Variants in SYPL1 observed in about 807,000 individuals in gnomAD.
The protein encoded by SYPL1 is synaptophysin like 1, also known as synaptophysin-like protein 1.
Under a neutral mutation model 23.7 loss-of-function variants are expected in SYPL1, and 6 were observed. The ratio of observed to expected loss-of-function variants is 0.25; its 90% CI spans 0.14 to 0.50. SYPL1 has a LOEUF of 0.50. SYPL1 is among the 20% of genes least tolerant of loss of function. The pLI, the probability that SYPL1 is intolerant of heterozygous loss-of-function variation, is 0.98. For missense variants in SYPL1, 253 were observed against 288.9 expected, an observed-to-expected ratio of 0.88 and a Z score of 0.90; for synonymous variants, 102 against 104.5, an observed-to-expected ratio of 0.98 and a Z score of 0.15.
Position 106,112,278 on chromosome 7 carries a change from GC to G in SYPL1, c.-71del. 1 of 1,418,932 alleles carries G rather than the reference GC, an allele frequency of 7.0e-7. No homozygotes were observed. Among genetic ancestry groups the G allele is most frequent in the South Asian group, 1.6e-5 (1 of 63,682 alleles). 87.9% of individuals were successfully genotyped at this position (1,418,932 alleles called of 1,614,324 possible). A position where few individuals can be genotyped will look rare whatever the true frequency, so the allele number is the denominator to read the frequency against. On this transcript the variant is annotated 5_prime_UTR_variant, in exon 1 of 5. Transcript: ENST00000455385. Reference sequence around the variant, plus strand: ...GGAGGGGACCGACGAGACCAGAGCAGCCCGGTGGCGAGGAAGGGCAGGCGGG... The same window carrying G: ...GGAGGGGACCGACGAGACCAGAGCAGCCGGTGGCGAGGAAGGGCAGGCGGG...
At chr7:106,098,371 C>G (rs1371410661) in intron 2 of SYPL1, among the ~76,000 whole-genome samples, 1 of 152,118 alleles carries the variant, frequency 6.6e-6, no homozygotes, top group Non-Finnish European at 1.5e-5. Context: ...ACTAAAGATG[C>G]TGTAACAGTC....
At position 106,100,645 on chromosome 7, in the gene SYPL1, C is replaced by T. The variant is rs1840264365; in HGVS notation, c.70-1363G>A. Among the ~76,000 whole-genome samples the T allele has an allele frequency of 1.3e-5, 2 of 152,098 alleles. No individual in the cohort carries two copies. Among genetic ancestry groups the T allele is most frequent in the Admixed American group, 6.5e-5 (1 of 15,270 alleles). On this transcript the variant is annotated intron_variant, in intron 1 of 4. Coordinates refer to ENST00000455385, the MANE Select transcript of SYPL1 (RefSeq NM_182715.4). This position sits in a 1 kb window ranked among gnomAD's most constrained non-coding sequence, Gnocchi z 5.1. ...TTTCAAAATACATTTGCAATCTGAC[C>T]ACTTGTACTGCCTCCTGATCTGAAC...
At chr7:106,092,635 T>TGCACTCCAGTCTGAGCGACATAGCG in intron 4 of SYPL1, 1 of 374,736 alleles carries the variant, frequency 2.7e-6, no homozygotes, top group Non-Finnish European at 5.0e-6. Flanking sequence ...ATCATGCCAC[T>TGCACTCCAGTCTGAGCGACATAGCG]GCACTCCAGT....
intron 1 of SYPL1, among the ~76,000 whole-genome samples, chr7:106,103,985 A>C (rs577707191): frequency 1.2e-4 from 19 of 152,360 alleles, no homozygotes; most frequent in African/African-American, 4.3e-4. Context: ...AGATAGATTT[A>C]TCTGCAGTCT....
intron 2 of SYPL1, among the ~76,000 whole-genome samples, chr7:106,098,596 C>A (rs1840149421): frequency 6.6e-6 from 1 of 152,260 alleles, no homozygotes; most frequent in African/African-American, 2.4e-5. Flanking sequence ...CTGGCTTAAA[C>A]ACAGGACATA....
At chr7:106,112,388 C>T (rs992109832), upstream of SYPL1, 5 of 1,307,886 alleles carry the variant, frequency 3.8e-6, no homozygotes, top group Middle Eastern at 2.8e-4. Flanking sequence ...GAGCTGCTGG[C>T]TGAGACTCTG....
In SYPL1 at chr7:106,093,149, A is replaced by G; in HGVS notation, c.403-12T>C. 1.3e-6 allele frequency: 2 copies of G among 1,581,794 alleles called. No individual in the cohort carries two copies. Among genetic ancestry groups the G allele is most frequent in the Non-Finnish European group, 1.7e-6 (2 of 1,166,718 alleles). ...GTAACAACAAAGTCCTAAAGCAAAA[A>G]TCAGTAAGAGTTAATAATGAACAGT... On this transcript the variant is annotated splice_polypyrimidine_tract_variant and intron_variant, in intron 3 of 4. Transcript: ENST00000455385.
At chr7:106,106,744 C>G (rs1411329441) in intron 1 of SYPL1, among the ~76,000 whole-genome samples, 1 of 151,442 alleles carries the variant, frequency 6.6e-6, no homozygotes, top group Non-Finnish European at 1.5e-5. Flanking sequence ...ACCCAGTAGA[C>G]TGAAGTGAGA....
intron 2 of SYPL1, among the ~76,000 whole-genome samples, chr7:106,098,724 T>C (rs191398681): frequency 5.2e-4 from 79 of 152,356 alleles, no homozygotes; most frequent in Admixed American, 3.2e-3. Context: ...TCTCTTTATA[T>C]ACATATGTCT....
chr7:106,107,349 T>C (rs1585943636), intron 1 of SYPL1, among the ~76,000 whole-genome samples: 1 of 152,358 alleles, frequency 6.6e-6, no homozygotes, highest in East Asian at 1.9e-4. Flanking sequence ...TAAAGTCAGT[T>C]ACAAAGTGCT....
At chr7:106,102,835 AG>A (rs1382457117) in intron 1 of SYPL1, among the ~76,000 whole-genome samples, 1 of 152,248 alleles carries the variant, frequency 6.6e-6, no homozygotes, top group African/African-American at 2.4e-5. Flanking sequence ...TAAATGGTCC[AG>A]ATGAGCTGCA....
Position 106,092,854 on chromosome 7 carries a change from C to T in SYPL1, c.591+95G>A. ...CAGGTAGCTGAGTAAAAATAAAAAC[C>T]ATCCAGAGATTTACTGAAAGCTATT... On this transcript the variant is annotated intron_variant, in intron 4 of 4. Coordinates refer to ENST00000455385, the MANE Select transcript of SYPL1 (RefSeq NM_182715.4). The T allele has an allele frequency of 2.8e-6, 3 of 1,087,008 alleles. No individual in the cohort carries two copies. In the East Asian group the frequency reaches 8.3e-5, roughly 30 times the overall value. The allele number at this position is 1,087,008 out of a possible 1,614,324, so 67.3% of individuals were successfully genotyped here. A position where few individuals can be genotyped will look rare whatever the true frequency, so the allele number is the denominator to read the frequency against.
Position 106,100,667 on chromosome 7 carries a change from G to A in SYPL1, c.70-1385C>T, listed in dbSNP as rs984255341. 2.0e-5 allele frequency among the ~76,000 whole-genome samples: 3 copies of A among 152,118 alleles called. No individual in the cohort carries two copies. The highest frequency in any genetic ancestry group is 7.2e-5 in the African/African-American group (3 of 41,408). On this transcript the variant is annotated intron_variant, in intron 1 of 4. Transcript: ENST00000455385. This position sits in a 1 kb window ranked among gnomAD's most constrained non-coding sequence, Gnocchi z 5.1. Reference sequence around the variant, plus strand: ...GACCACTTGTACTGCCTCCTGATCTGAACTACCATCACCTTTTGCCTGAAT... The same window carrying A: ...GACCACTTGTACTGCCTCCTGATCTAAACTACCATCACCTTTTGCCTGAAT...
At chr7:106,106,745 T>C (rs1297427070) in intron 1 of SYPL1, among the ~76,000 whole-genome samples, 1 of 151,134 alleles carries the variant, frequency 6.6e-6, no homozygotes, top group African/African-American at 2.4e-5. Flanking sequence ...CCCAGTAGAC[T>C]GAAGTGAGAG....
intron 1 of SYPL1, among the ~76,000 whole-genome samples, chr7:106,099,635 C>T (rs1306084327): frequency 2.0e-5 from 3 of 152,098 alleles, no homozygotes; most frequent in Non-Finnish European, 4.4e-5. Flanking sequence ...CTCAAGCAAT[C>T]CTCCCATCTT....
Position 106,091,831 on chromosome 7 carries a change from C to G in SYPL1, c.700G>C (p.Gly234Arg), listed in dbSNP as rs1292124454. ...TATATTCCGGTAGGAGGTGGAATAC[C>G]TCCTTGGCTATGAGGGGCAGATGTA... ...SNTSAPHSQG[G>R]IPPPTGI Residue 234 changes from glycine (G) to arginine (R), a missense_variant, in exon 5 of 5, where the codon GGT becomes CGT. Physicochemically the swap from Gly to Arg is moderately radical, Grantham distance 125. Transcript: ENST00000455385. The surrounding 1 kb of genome is among the most constrained non-coding windows in gnomAD (Gnocchi z 5.0). 4 of 1,613,078 alleles carry G rather than the reference C, an allele frequency of 2.5e-6. No individual in the cohort carries two copies. The highest frequency in any genetic ancestry group is 3.4e-6 in the Non-Finnish European group (4 of 1,179,592).
chr7:106,100,004 G>C lies in SYPL1; in HGVS notation c.70-722C>G, dbSNP rs1156618942. Among the ~76,000 whole-genome samples the C allele has an allele frequency of 6.6e-6, 1 of 152,156 alleles. No homozygotes were observed. The highest frequency in any genetic ancestry group is 6.5e-5 in the Admixed American group (1 of 15,288). On this transcript the variant is annotated intron_variant, in intron 1 of 4. Coordinates refer to ENST00000455385, the MANE Select transcript of SYPL1 (RefSeq NM_182715.4). The surrounding 1 kb of genome is among the most constrained non-coding windows in gnomAD (Gnocchi z 5.1). ...GCTCATACTTTAGTGTATCCACTAA[G>C]TATTAGTATGAAATATAGAGGGAGA...
Position 106,091,770 on chromosome 7 carries a change from A to G in SYPL1, c.*35T>C. ...GGTGTTGGCAACATGTCATAGTATCAACATATACTTCATACAGTGTATTTC... is the reference window on the plus strand; with the variant it reads ...GGTGTTGGCAACATGTCATAGTATCGACATATACTTCATACAGTGTATTTC... On this transcript the variant is annotated 3_prime_UTR_variant, in exon 5 of 5. Transcript: ENST00000455385. This position sits in a 1 kb window ranked among gnomAD's most constrained non-coding sequence, Gnocchi z 5.0. The G allele has an allele frequency of 6.3e-7, 1 of 1,583,880 alleles. No individual in the cohort carries two copies. Among genetic ancestry groups the G allele is most frequent in the Non-Finnish European group, 8.6e-7 (1 of 1,169,436 alleles).
chr7:106,110,013 T>C (rs929089721), intron 1 of SYPL1, among the ~76,000 whole-genome samples: 2 of 152,166 alleles, frequency 1.3e-5, no homozygotes, highest in East Asian at 1.9e-4. Flanking sequence ...AGTCGTATCA[T>C]TGACTTGTTT....
Sources: gnomAD v4.1 joint callset for allele counts (sites outside exome capture counted in the v4.1 genomes callset) on GRCh38, gnomAD v4.1.1 for gene constraint, Gnocchi (gnomAD v3.1) non-coding constraint, MANE v1.5 for transcripts, NCBI Gene and HGNC (gene_info 2026-07-23, HGNC 2026-07-21) for gene names.